The following LTBP2 variants were observed in gnomAD, a reference collection of about 807,000 sequenced individuals.
LTBP2 encodes latent transforming growth factor beta binding protein 2.
Under a neutral mutation model 210.6 loss-of-function variants are expected in LTBP2, and 103 were observed. That is an observed-to-expected ratio of 0.49 (90% CI 0.42 to 0.58). The LOEUF is 0.58. LTBP2 is among the 20% of genes least tolerant of loss of function. The pLI, the probability that LTBP2 is intolerant of heterozygous loss-of-function variation, is 0.00. For missense variants in LTBP2, 2,313 were observed against 2,494.5 expected (o/e 0.93, Z 1.55); for synonymous variants, 1,007 against 1,015.0 (o/e 0.99, Z 0.15).
At chr14:74,515,236 G>A (rs1385869204) in intron 18 of LTBP2, among the ~76,000 whole-genome samples, 1 of 149,456 alleles carries the variant, frequency 6.7e-6, no homozygotes, top group Non-Finnish European at 1.5e-5. Context: ...CACACAGACT[G>A]GTTAATATAA....
At chr14:74,587,231 C>G (rs1039754100) in intron 2 of LTBP2, among the ~76,000 whole-genome samples, 40 of 152,142 alleles carry the variant, frequency 2.6e-4, no homozygotes, top group Admixed American at 2.6e-3. Flanking sequence ...AATGCCTCAT[C>G]CATCTGTCGC....
chr14:74,609,350 C>T (rs1054828302), intron 1 of LTBP2, among the ~76,000 whole-genome samples: 1 of 152,194 alleles, frequency 6.6e-6, no homozygotes, highest in Non-Finnish European at 1.5e-5. Context: ...TCTTCACATG[C>T]CTGTTCACAT....
chr14:74,508,618 C>A lies in LTBP2; in HGVS notation c.3638G>T (p.Gly1213Val), dbSNP rs200116784. Residue 1213 changes from glycine to valine, a missense_variant, in exon 24 of 36, where the codon GGC becomes GTC. Gly to Val is a moderately radical substitution (Grantham distance 109). Transcript: ENST00000261978. ...TGGCTTCTCACCCTGGCAGCTGGTG[C>A]CCCCCTCTGCGCTGACGAAGCCAGG... ...CAPGFVSAEGGTSCQDVDECA... is the reference protein window; with the variant it reads ...CAPGFVSAEGVTSCQDVDECA... The A allele has an allele frequency of 6.2e-7, 1 of 1,608,508 alleles. No individual in the cohort carries two copies. The highest frequency in any genetic ancestry group is 8.5e-7 in the Non-Finnish European group (1 of 1,179,760).
intron 17 of LTBP2, among the ~76,000 whole-genome samples, chr14:74,518,682 G>A (rs550899975): frequency 6.6e-6 from 1 of 152,362 alleles, no homozygotes; most frequent in Non-Finnish European, 1.5e-5. Flanking sequence ...TAAGGACAGT[G>A]TCTTCACTTG....
chr14:74,596,273 AAC>A (rs2088362372), intron 2 of LTBP2, among the ~76,000 whole-genome samples: 3 of 151,716 alleles, frequency 2.0e-5, no homozygotes, highest in African/African-American at 7.3e-5. Context: ...AAAAATTAAA[AAC>A]AAAGAAGTGG....
rs541181131 is a variant in LTBP2, at chr14:74,532,461, C to T, written c.1952G>A (p.Gly651Asp). ...RGSYLCTCRPGLMLDPSRSRC... is the reference protein window; with the variant it reads ...RGSYLCTCRPDLMLDPSRSRC... ...GCTCCGCGATGGATCCAGCATGAGG[C>T]CAGGTCTGCATGTGCACAGGTAGCT... Residue 651 changes from glycine to aspartate, a missense_variant, in exon 10 of 36, where the codon GGC (glycine) becomes GAC (aspartate). Coordinates refer to ENST00000261978, the MANE Select transcript of LTBP2 (RefSeq NM_000428.3). 4.3e-6 allele frequency: 7 copies of T among 1,614,196 alleles called. No homozygotes were observed. In the Admixed American group the frequency reaches 1.2e-4, roughly 27 times the overall value.
chr14:74,554,986 G>T (rs2087710903), intron 4 of LTBP2, among the ~76,000 whole-genome samples: 1 of 150,800 alleles, frequency 6.6e-6, no homozygotes, highest in South Asian at 2.1e-4. Flanking sequence ...GAGGGGAGGG[G>T]AGGCCTGGAG....
At chr14:74,563,488 G>A (rs184060851) in intron 3 of LTBP2, among the ~76,000 whole-genome samples, 2 of 152,244 alleles carry the variant, frequency 1.3e-5, no homozygotes, top group African/African-American at 2.4e-5. Context: ...GAAACACAGC[G>A]GCAGCTCCTT....
At chr14:74,574,916 C>T (rs575363400) in intron 3 of LTBP2, among the ~76,000 whole-genome samples, 1 of 152,330 alleles carries the variant, frequency 6.6e-6, no homozygotes, top group South Asian at 2.1e-4. Flanking sequence ...CTTGAATCTG[C>T]CCAGTGCCCC....
At chr14:74,611,064 G>A (rs897676069) in intron 1 of LTBP2, among the ~76,000 whole-genome samples, 2 of 152,200 alleles carry the variant, frequency 1.3e-5, no homozygotes, top group African/African-American at 4.8e-5. Flanking sequence ...TCCCCTGGGC[G>A]TCAAGAGCCT....
intron 15 of LTBP2, among the ~76,000 whole-genome samples, chr14:74,523,538 T>TG (rs2087235378): frequency 6.6e-6 from 1 of 151,864 alleles, no homozygotes; most frequent in African/African-American, 2.4e-5. Context: ...ATAATTTAAA[T>TG]GAGGGTCTGC....
At chr14:74,572,617 G>C (rs761881760) in intron 3 of LTBP2, among the ~76,000 whole-genome samples, 2 of 152,068 alleles carry the variant, frequency 1.3e-5, no homozygotes, top group Non-Finnish European at 2.9e-5. Context: ...TTATGTCCTG[G>C]ACAAGAGGTG....
At chr14:74,518,850 G>A (rs1566620400) in intron 17 of LTBP2, among the ~76,000 whole-genome samples, 2 of 152,188 alleles carry the variant, frequency 1.3e-5, no homozygotes, top group African/African-American at 2.4e-5. Context: ...GGAATAACTG[G>A]TGTTCACTGT....
At position 74,527,330 on chromosome 14, in the gene LTBP2, T is replaced by C. The variant is rs2087286122; in HGVS notation, c.2388+17A>G. On this transcript the variant is annotated intron_variant, in intron 13 of 35. Coordinates refer to ENST00000261978, the MANE Select transcript of LTBP2 (RefSeq NM_000428.3). ...CTGCCATGCTTGCCCGGCCCCCTAG[T>C]GGGAGGACGCACTCACCTGGCCAGC... is the stretch of plus-strand genomic sequence containing the variant. 1 of 1,610,688 alleles carries C rather than the reference T, an allele frequency of 6.2e-7. No individual in the cohort carries two copies. The highest frequency in any genetic ancestry group is 8.5e-7 in the Non-Finnish European group (1 of 1,178,914).
chr14:74,509,406 C>T (rs780461476), intron 21 of LTBP2, 43 bp from the exon 22 acceptor site: 2 of 1,611,808 alleles, frequency 1.2e-6, no homozygotes, highest in Non-Finnish European at 1.7e-6. Context: ...GGAGGGCTCC[C>T]ACTCCCCAGG....
chr14:74,581,065 G>C (rs953658831), intron 3 of LTBP2, among the ~76,000 whole-genome samples: 1 of 152,264 alleles, frequency 6.6e-6, no homozygotes, highest in African/African-American at 2.4e-5. Context: ...TCAGCTGGCA[G>C]AGCAGAAGCA....
intron 3 of LTBP2, among the ~76,000 whole-genome samples, chr14:74,574,530 G>A (rs950699460): frequency 6.6e-6 from 1 of 152,188 alleles, no homozygotes; most frequent in African/African-American, 2.4e-5. Context: ...GAATAGGGTA[G>A]GAATCTAGCA....
Position 74,562,622 on chromosome 14 carries a change from A to G in LTBP2, c.831-6929T>C, listed in dbSNP as rs1186227828. On this transcript the variant is annotated intron_variant, in intron 3 of 35. Coordinates refer to ENST00000261978, the MANE Select transcript of LTBP2 (RefSeq NM_000428.3). ...TCAGCAAGGAATATGAACAGGTCAC[A>G]GAAAAAAAAATACAAATATTTCTTG... Among the ~76,000 whole-genome samples, 4 of 151,352 alleles carry G rather than the reference A, an allele frequency of 2.6e-5. No homozygotes were observed. The East Asian group carries it at 7.8e-4, about 29-fold the overall frequency.
At chr14:74,535,050 TCCACTGTCTGCTTGGCCCTCAAA>T (rs2087401604) in intron 9 of LTBP2, among the ~76,000 whole-genome samples, 1 of 152,074 alleles carries the variant, frequency 6.6e-6, no homozygotes, top group Non-Finnish European at 1.5e-5. Flanking sequence ...TCTCCCTACA[TCCACTGTCTGCTTGGCCCTCAAA>T]CCACTGGCTC....
Sources: gnomAD v4.1 joint callset for allele counts (sites outside exome capture counted in the v4.1 genomes callset) on GRCh38, gnomAD v4.1.1 for gene constraint, MANE v1.5 for transcripts, NCBI Gene and HGNC (gene_info 2026-07-23, HGNC 2026-07-21) for gene names.